The following POLR1E variants were observed in gnomAD, a reference collection of about 807,000 sequenced individuals.
POLR1E encodes DNA-directed RNA polymerase I subunit RPA49.
POLR1E carries 37 observed loss-of-function variants against 50.9 expected under a neutral mutation model. The observed-to-expected ratio is 0.73, with a 90% CI of 0.56 to 0.96. The LOEUF (loss-of-function observed/expected upper bound fraction) is 0.96, where lower values mean the gene tolerates loss of function less well. Ranked by LOEUF, POLR1E falls within the 40% of genes least tolerant of loss-of-function variation. The pLI is 0.00. For missense variants in POLR1E, 426 were observed against 518.1 expected (o/e 0.82, Z 1.73); for synonymous variants, 166 against 191.6 (o/e 0.87, Z 1.10).
At position 37,503,342 on chromosome 9, in the gene POLR1E, C is replaced by A; in HGVS notation, c.*140C>A. The A allele has an allele frequency of 2.9e-6, 3 of 1,049,334 alleles. No homozygotes were observed. Among genetic ancestry groups the A allele is most frequent in the Non-Finnish European group, 3.9e-6 (3 of 763,152 alleles). The allele number at this position is 1,049,334 out of a possible 1,614,324, so 65.0% of individuals were successfully genotyped here. On this transcript the variant is annotated 3_prime_UTR_variant, in exon 12 of 12. Transcript: ENST00000377798. ...CCTGAAATCCCAGCACTTTGGGAGGCCGAGGCAGGAAGATCATTGAGCTCA... is the reference window on the plus strand; with the variant it reads ...CCTGAAATCCCAGCACTTTGGGAGGACGAGGCAGGAAGATCATTGAGCTCA...
chr9:37,487,888 A>C lies in POLR1E; in HGVS notation c.206A>C (p.Tyr69Ser). 1 of 1,614,180 alleles carries C rather than the reference A, an allele frequency of 6.2e-7. No homozygotes were observed. The highest frequency in any genetic ancestry group is 2.2e-5 in the East Asian group (1 of 44,888). Residue 69 changes from tyrosine to serine, a missense_variant, in exon 3 of 12, where the codon TAT becomes TCT. Transcript: ENST00000377798. ...GCAGCTGAAACAGATAGGCTCTCCT[A>C]TGTGGGAAACAATTTTGGGACTGGA... ...ILAAETDRLS[Y>S]VGNNFGTGAL...
chr9:37,495,105 GA>G, intron 6 of POLR1E, 63 bp from the exon 7 acceptor site: 1 of 1,380,374 alleles, frequency 7.2e-7, no homozygotes, highest in Non-Finnish European at 1.0e-6. Flanking sequence ...TGCACAGACT[GA>G]AAAGAATGTT....
Position 37,503,185 on chromosome 9 carries a change from C to A in POLR1E, c.1243C>A (p.Arg415=), listed in dbSNP as rs143629990. ...PAQTSDRLAK[R]RKIT ...CCAGACCTCAGACCGCCTGGCAAAG[C>A]GGAGGAAGATTACCTAGACGCATGC... Residue 415 remains arginine (R), a synonymous_variant, in exon 12 of 12, where the codon CGG becomes AGG. Coordinates refer to ENST00000377798, the MANE Select transcript of POLR1E (RefSeq NM_022490.4). The A allele has an allele frequency of 1.7e-5, 28 of 1,609,536 alleles. No individual in the cohort carries two copies. Among genetic ancestry groups the A allele is most frequent in the Non-Finnish European group, 2.2e-5 (26 of 1,178,578 alleles).
At chr9:37,502,820 A>G (rs1820913182) in intron 11 of POLR1E, among the ~76,000 whole-genome samples, 1 of 152,220 alleles carries the variant, frequency 6.6e-6, no homozygotes, top group South Asian at 2.1e-4. Context: ...CATCACCCAT[A>G]TGGATCTTTT....
At chr9:37,487,340 G>C (rs946303086) in intron 2 of POLR1E, among the ~76,000 whole-genome samples, 3 of 152,208 alleles carry the variant, frequency 2.0e-5, no homozygotes, top group Non-Finnish European at 4.4e-5. Context: ...CTGCCAGAAT[G>C]CCTTCCTTGG....
chr9:37,497,490 T>C (rs1000393787), intron 8 of POLR1E, among the ~76,000 whole-genome samples: 32 of 152,248 alleles, frequency 2.1e-4, no homozygotes, highest in Non-Finnish European at 4.0e-4. Context: ...GTTAGCAAAC[T>C]ACAGCCCACA....
At chr9:37,490,775 A>G in intron 4 of POLR1E, 1 of 635,158 alleles carries the variant, frequency 1.6e-6, no homozygotes, top group Admixed American at 1.8e-5. Flanking sequence ...CTTGATGTCT[A>G]CGATATCACC....
chr9:37,492,497 A>T (rs1200329607), intron 4 of POLR1E, 160 bp from the exon 5 acceptor site: 2 of 818,220 alleles, frequency 2.4e-6, no homozygotes, highest in Non-Finnish European at 3.9e-6. Flanking sequence ...CTAAAGCTGC[A>T]TATTAAATAT....
chr9:37,489,235 CAA>C (rs533858952), intron 3 of POLR1E, 78 bp from the exon 4 acceptor site: 9,752 of 893,888 alleles, frequency 0.011, no homozygotes, highest in East Asian at 0.015. Flanking sequence ...GACTCTGTCT[CAA>C]AAAAAAAAAA....
intron 4 of POLR1E, among the ~76,000 whole-genome samples, chr9:37,492,128 A>G (rs1320552923): frequency 6.6e-6 from 1 of 152,084 alleles, no homozygotes; most frequent in Non-Finnish European, 1.5e-5. Context: ...AGGTTAGATG[A>G]CCTTATCAGG....
In POLR1E at chr9:37,486,155, C is replaced by G. The variant is rs376455265; in HGVS notation, c.76+32C>G. 26 of 1,557,762 alleles carry G rather than the reference C, an allele frequency of 1.7e-5. No individual in the cohort carries two copies. The African/African-American group carries it at 2.7e-4, about 16-fold the overall frequency. On this transcript the variant is annotated intron_variant, in intron 1 of 11. Transcript: ENST00000377798. ...ACTGCGGAGCTGGAGCAGTGCTCCT[C>G]TAACCCTCTCCCCTTCCGTCTCGGT... is the stretch of plus-strand genomic sequence containing the variant.
chr9:37,490,249 C>T (rs1820656420), intron 4 of POLR1E, among the ~76,000 whole-genome samples: 1 of 152,172 alleles, frequency 6.6e-6, no homozygotes, highest in Non-Finnish European at 1.5e-5. Context: ...AGCTACCTCA[C>T]GTCTTTCAGC....
chr9:37,486,028 T>C lies in POLR1E; in HGVS notation c.-20T>C, dbSNP rs1820564934. On this transcript the variant is annotated 5_prime_UTR_variant, in exon 1 of 12. Transcript: ENST00000377798. ...GCTGCTGCTGTCTTAACTCCTGTGC[T>C]TGGCGGACAGACAGGCGAGATGGCG... 6.3e-7 allele frequency: 1 copy of C among 1,593,814 alleles called. No individual in the cohort carries two copies.
intron 4 of POLR1E, among the ~76,000 whole-genome samples, chr9:37,491,080 T>C (rs1300876754): frequency 2.6e-5 from 4 of 152,240 alleles, no homozygotes; most frequent in Non-Finnish European, 5.9e-5. Flanking sequence ...CTATTTTTTT[T>C]CCCTAATCCA....
intron 6 of POLR1E, among the ~76,000 whole-genome samples, chr9:37,494,080 T>G (rs1820743551): frequency 6.6e-6 from 1 of 152,228 alleles, no homozygotes; most frequent in Non-Finnish European, 1.5e-5. Flanking sequence ...GAGGTGGCAT[T>G]TCACTTTGGG....
chr9:37,492,243 G>A (rs1040372557), intron 4 of POLR1E: 14 of 1,287,980 alleles, frequency 1.1e-5, no homozygotes, highest in East Asian at 5.5e-5. Flanking sequence ...GGAGAGCATC[G>A]GTAAGTACCA....
chr9:37,502,367 C>T (rs1441110281), intron 11 of POLR1E, among the ~76,000 whole-genome samples: 2 of 152,200 alleles, frequency 1.3e-5, no homozygotes, highest in Admixed American at 6.5e-5. Context: ...GGTTCCAAGG[C>T]CAGGTGGAAC....
At chr9:37,497,475 C>T (rs1451959172) in intron 8 of POLR1E, among the ~76,000 whole-genome samples, 1 of 152,218 alleles carries the variant, frequency 6.6e-6, no homozygotes, top group Non-Finnish European at 1.5e-5. Flanking sequence ...AAACAGAGGT[C>T]AGAGGTTAGC....
intron 6 of POLR1E, among the ~76,000 whole-genome samples, chr9:37,494,139 T>C (rs1378477107): frequency 6.6e-6 from 1 of 152,224 alleles, no homozygotes. Context: ...TTTAATTGTA[T>C]TATTTTAAAA....
Sources: allele counts gnomAD v4.1 joint callset (sites outside exome capture counted in the v4.1 genomes callset), GRCh38; gene constraint gnomAD v4.1.1; transcripts MANE v1.5; gene names NCBI Gene and HGNC (gene_info 2026-07-23, HGNC 2026-07-21).